Variants in ZNF510 observed in about 807,000 individuals in gnomAD.
ZNF510 encodes the protein zinc finger protein 510.
Under a neutral mutation model 18.1 loss-of-function variants are expected in ZNF510, and 15 were observed. That is an observed-to-expected ratio of 0.83 (90% confidence interval 0.55 to 1.28). The LOEUF (loss-of-function observed/expected upper bound fraction) is 1.28. ZNF510 is among the 50% of genes most tolerant of loss of function. The probability of loss-of-function intolerance (pLI) is 0.00; values close to 1 mark genes in which losing one functional copy is unlikely to be tolerated. For synonymous variants in ZNF510, 261 were observed against 266.4 expected (o/e 0.98, Z 0.20); for missense variants, 724 against 791.8 (o/e 0.91, Z 1.03).
At chr9:96,761,930 T>C (rs1354688956) in intron 5 of ZNF510, among the ~76,000 whole-genome samples, 1 of 152,146 alleles carries the variant, frequency 6.6e-6, no homozygotes, top group African/African-American at 2.4e-5. Flanking sequence ...TCATATCTTT[T>C]TGTCAGTCAT....
At chr9:96,764,273 G>A (rs973916597) in intron 3 of ZNF510, among the ~76,000 whole-genome samples, 6 of 152,164 alleles carry the variant, frequency 3.9e-5, no homozygotes, top group Admixed American at 1.3e-4. Context: ...ATCATGGCAG[G>A]AGTCAGCAAA....
rs774101584 is a variant in ZNF510 at position 96,759,044 on chromosome 9, C to T, written c.1786G>A (p.Gly596Arg). The T allele has an allele frequency of 6.2e-7, 1 of 1,613,946 alleles. No homozygotes were observed. The highest frequency in any genetic ancestry group is 1.3e-5 in the African/African-American group (1 of 74,982). ...TCATTACATTTAAATGGTTTCTCCC[C>T]AGTGTGAATTCTTTGATGCACTCTG... The part of the protein sequence containing the change: ...TLRVHQRIHT[G>R]EKPFKCNECG... The change falls in exon 6 of 6, where the codon GGG (glycine) becomes AGG (arginine). Residue 596 changes from glycine (G) to arginine (R), a missense_variant. By Grantham distance (125) the Gly-to-Arg change is moderately radical (BLOSUM62 -2). Coordinates refer to ENST00000223428, the MANE Select transcript of ZNF510 (RefSeq NM_014930.3).
At chr9:96,772,084 G>A (rs1849595729) in intron 3 of ZNF510, among the ~76,000 whole-genome samples, 1 of 152,052 alleles carries the variant, frequency 6.6e-6, no homozygotes, top group African/African-American at 2.4e-5. Flanking sequence ...AAACTAATTG[G>A]ACCAAAGGAA....
chr9:96,776,137 C>T lies in ZNF510; in HGVS notation c.-68G>A. 1 of 1,548,202 alleles carries T rather than the reference C, an allele frequency of 6.5e-7. No homozygotes were observed. Among genetic ancestry groups the T allele is most frequent in the Non-Finnish European group, 8.7e-7 (1 of 1,145,108 alleles). On this transcript the variant is annotated 5_prime_UTR_variant, in exon 2 of 6. Transcript: ENST00000223428. The stretch of plus-strand genomic sequence containing the variant: ...CGCTGGTTGGGCAAATCAAGACCTG[C>T]TCCTTTCTGGGTTCTTCTGCATCTG...
At chr9:96,772,729 A>T (rs889794687) in intron 3 of ZNF510, among the ~76,000 whole-genome samples, 2 of 152,242 alleles carry the variant, frequency 1.3e-5, no homozygotes, top group African/African-American at 4.8e-5. Context: ...AAGATTGATA[A>T]TAACAAGTGT....
rs1227864547 is a variant in ZNF510, at chr9:96,754,912, G to A, written c.*3866C>T. Among the ~76,000 whole-genome samples, 2 of 152,208 alleles carry A rather than the reference G, an allele frequency of 1.3e-5. No individual in the cohort carries two copies. Reference sequence around the variant, plus strand: ...TAGCTTGAAGGCCCTTAGTGGGTGGGCAGACAGAAAATCAGCTCCTCCAGA... The same window carrying A: ...TAGCTTGAAGGCCCTTAGTGGGTGGACAGACAGAAAATCAGCTCCTCCAGA... On this transcript the variant is annotated 3_prime_UTR_variant, in exon 6 of 6. Transcript: ENST00000223428.
intron 3 of ZNF510, among the ~76,000 whole-genome samples, chr9:96,771,425 G>T (rs1290936450): frequency 7.0e-6 from 1 of 143,568 alleles, no homozygotes; most frequent in South Asian, 2.1e-4. Context: ...AAATACTCAT[G>T]CATGATTAAA....
At chr9:96,769,010 G>A (rs1429022939) in intron 3 of ZNF510, among the ~76,000 whole-genome samples, 1 of 152,144 alleles carries the variant, frequency 6.6e-6, no homozygotes, top group African/African-American at 2.4e-5. Context: ...GAATAGCACT[G>A]AGAGCCCAGA....
In ZNF510 at chr9:96,763,550, T is replaced by C. The variant is rs147667168; in HGVS notation, c.212A>G (p.Tyr71Cys). 6.2e-6 allele frequency: 10 copies of C among 1,613,230 alleles called. No homozygotes were observed. Among genetic ancestry groups the C allele is most frequent in the Non-Finnish European group, 8.5e-6 (10 of 1,179,702 alleles). ...QQMAPVQKNL[Y>C]RDVMLENYSN... The stretch of plus-strand genomic sequence containing the variant: ...GTAGTTCTCCAGCATCACATCTCTG[T>C]ACAGATTCTTCTGAACAGGGGCCAT... The change falls in exon 4 of 6, where the codon TAC (tyrosine) becomes TGC (cysteine). Residue 71 changes from tyrosine (Y) to cysteine (C), a missense_variant. Coordinates refer to ENST00000223428, the MANE Select transcript of ZNF510 (RefSeq NM_014930.3).
chr9:96,775,625 T>G (rs1181142177), intron 2 of ZNF510, among the ~76,000 whole-genome samples: 2 of 152,208 alleles, frequency 1.3e-5, no homozygotes, highest in Non-Finnish European at 2.9e-5. Context: ...GCACTGTGCT[T>G]TGCTCCAAGC....
chr9:96,774,679 T>C, intron 3 of ZNF510, 109 bp downstream of exon 3: 1 of 1,014,498 alleles, frequency 9.9e-7, no homozygotes, highest in East Asian at 2.7e-5. Flanking sequence ...CCTGCTTTTC[T>C]ATATATTCCT....
chr9:96,759,378 T>C lies in ZNF510; in HGVS notation c.1452A>G (p.Gly484=). ...ATTCACTACATTCATAGGGTTTTTC[T>C]CCTGTGTGAATTCTTTGATGTCCCC... is the stretch of plus-strand genomic sequence containing the variant. ...TLRGHQRIHT[G]EKPYECSECG... is the part of the protein sequence containing the mutation. The change falls in exon 6 of 6, where the codon GGA becomes GGG. Residue 484 remains glycine (G), a synonymous_variant. Transcript: ENST00000223428. 2 of 1,614,108 alleles carry C rather than the reference T, an allele frequency of 1.2e-6. No individual in the cohort carries two copies. The highest frequency in any genetic ancestry group is 1.7e-6 in the Non-Finnish European group (2 of 1,179,980).
rs1849171735 is a variant in ZNF510 at position 96,755,412 on chromosome 9, C to T, written c.*3366G>A. 6.6e-6 allele frequency among the ~76,000 whole-genome samples: 1 copy of T among 152,184 alleles called. No homozygotes were observed. Among genetic ancestry groups the T allele is most frequent in the African/African-American group, 2.4e-5 (1 of 41,440 alleles). Reference sequence around the variant, plus strand: ...ACTAACTGGTCCTAACAGGTACTAACTGGGCTTGTGTACCATTAATCTTCC... The same window carrying T: ...ACTAACTGGTCCTAACAGGTACTAATTGGGCTTGTGTACCATTAATCTTCC... On this transcript the variant is annotated 3_prime_UTR_variant, in exon 6 of 6. Coordinates refer to ENST00000223428, the MANE Select transcript of ZNF510 (RefSeq NM_014930.3).
At chr9:96,765,940 A>G (rs1053018120) in intron 3 of ZNF510, among the ~76,000 whole-genome samples, 10 of 152,162 alleles carry the variant, frequency 6.6e-5, no homozygotes, top group African/African-American at 2.4e-4. Flanking sequence ...TTCAGGCATT[A>G]GTTATGGTGT....
Position 96,757,355 on chromosome 9 carries a change from T to G in ZNF510, c.*1423A>C, listed in dbSNP as rs1439843732. The stretch of plus-strand genomic sequence containing the variant: ...GCTGCTCACCATTCAGCCAAAAGAC[T>G]TTTAGGTTCATGCAAAGCCCTGTAT... On this transcript the variant is annotated 3_prime_UTR_variant, in exon 6 of 6. Transcript: ENST00000223428. 3 of 152,226 alleles carry G rather than the reference T, an allele frequency of 2.0e-5. No homozygotes were observed. Among genetic ancestry groups the G allele is most frequent in the Non-Finnish European group, 4.4e-5 (3 of 68,054 alleles). The allele number at this position is 152,226 out of a possible 1,614,324, so 9.4% of individuals were successfully genotyped here.
chr9:96,768,905 G>A lies in ZNF510; in HGVS notation c.130-5273C>T, dbSNP rs1315711233. On this transcript the variant is annotated intron_variant, in intron 3 of 5. Transcript: ENST00000223428. Reference sequence around the variant, plus strand: ...ATCTAGAAAAAAAAGAAAAAAAATTGGAGGGATTACATTTCCTGATTTAAA... The same window carrying A: ...ATCTAGAAAAAAAAGAAAAAAAATTAGAGGGATTACATTTCCTGATTTAAA... Among the ~76,000 whole-genome samples the A allele has an allele frequency of 2.0e-5, 3 of 152,050 alleles. No homozygotes were observed. In the East Asian group the frequency reaches 5.8e-4, roughly 29 times the overall value.
intron 3 of ZNF510, among the ~76,000 whole-genome samples, chr9:96,769,303 G>A (rs10156492): frequency 0.059 from 8,913 of 151,862 alleles, 873 homozygotes; most frequent in African/African-American, 0.2. Context: ...CGGGCATTGT[G>A]GTGCATGCCT....
At chr9:96,766,380 ATT>A (rs542441576) in intron 3 of ZNF510, among the ~76,000 whole-genome samples, 8,601 of 145,724 alleles carry the variant, frequency 0.059, 780 homozygotes, top group African/African-American at 0.2. Flanking sequence ...ACCACTACCA[ATT>A]TTTTTTTTTT....
At chr9:96,763,355 C>T (rs1849400174) in intron 4 of ZNF510, 142 bp from the exon 5 acceptor site, 2 of 1,270,994 alleles carry the variant, frequency 1.6e-6, no homozygotes, top group Non-Finnish European at 2.2e-6. Context: ...CACATTCTTT[C>T]TAGTCCTCGA....
Sources: gnomAD v4.1 joint callset for allele counts (sites outside exome capture counted in the v4.1 genomes callset) on GRCh38, gnomAD v4.1.1 for gene constraint, MANE v1.5 for transcripts, NCBI Gene and HGNC (gene_info 2026-07-23, HGNC 2026-07-21) for gene names.